The following BRMS1L variants were observed in gnomAD, a reference collection of about 807,000 sequenced individuals.
BRMS1L encodes the protein breast cancer metastasis-suppressor 1-like protein.
A neutral mutation model predicts 50.3 loss-of-function variants in BRMS1L; 23 were observed. The observed-to-expected ratio is 0.46, with a 90% CI of 0.33 to 0.65. BRMS1L has a LOEUF of 0.65. Among genes scored for constraint, BRMS1L ranks in the 30% least tolerant of loss-of-function variants. BRMS1L has a pLI of 0.02. For synonymous variants in BRMS1L, 114 were observed against 126.9 expected, an observed-to-expected ratio of 0.90 and a Z score of 0.69; for missense variants, 286 against 386.1, an observed-to-expected ratio of 0.74 and a Z score of 2.17.
chr14:35,841,793 A>G (rs1018444361), intron 4 of BRMS1L, among the ~76,000 whole-genome samples: 3 of 152,076 alleles, frequency 2.0e-5, no homozygotes, highest in Non-Finnish European at 2.9e-5. Flanking sequence ...GTCTCTCACT[A>G]TTACTGTGTG....
chr14:35,848,902 T>C (rs1457442806), intron 4 of BRMS1L, among the ~76,000 whole-genome samples: 1 of 152,236 alleles, frequency 6.6e-6, no homozygotes, highest in East Asian at 1.9e-4. Context: ...TTCCATATCT[T>C]GGAGGTGAAT....
chr14:35,845,443 T>C (rs932239980), intron 4 of BRMS1L, among the ~76,000 whole-genome samples: 17 of 152,242 alleles, frequency 1.1e-4, no homozygotes, highest in Non-Finnish European at 2.4e-4. Context: ...TTTAAATGCT[T>C]TGTCTGCATC....
intron 3 of BRMS1L, among the ~76,000 whole-genome samples, 197 bp downstream of exon 3, chr14:35,833,302 T>TA (rs79273951): frequency 1.6e-3 from 225 of 140,650 alleles, no homozygotes; most frequent in Middle Eastern, 3.7e-3. Context: ...TGTAGGGGAT[T>TA]AAAAAAAAAA....
intron 4 of BRMS1L, among the ~76,000 whole-genome samples, chr14:35,843,909 A>C (rs1182108039): frequency 6.6e-6 from 1 of 152,228 alleles, no homozygotes; most frequent in Non-Finnish European, 1.5e-5. Context: ...CTAGAGAGGC[A>C]GTCTGGCTAC....
chr14:35,832,349 C>CAAAAAAAA, intron 2 of BRMS1L, among the ~76,000 whole-genome samples: 1 of 61,646 alleles, frequency 1.6e-5, no homozygotes, highest in African/African-American at 3.7e-5. Flanking sequence ...CTAAAAAATA[C>CAAAAAAAA]AAAAAAAAAA....
chr14:35,831,875 C>G (rs563587057), intron 2 of BRMS1L, among the ~76,000 whole-genome samples: 9 of 151,816 alleles, frequency 5.9e-5, no homozygotes, highest in Admixed American at 3.9e-4. Context: ...GAGCTGTGCT[C>G]GTGCCATTGC....
chr14:35,867,132 T>C (rs1338416107), intron 8 of BRMS1L, among the ~76,000 whole-genome samples: 2 of 152,178 alleles, frequency 1.3e-5, no homozygotes, highest in Non-Finnish European at 2.9e-5. Context: ...CCCGATGGTA[T>C]TTTAGGCCCT....
chr14:35,867,253 A>T (rs2078433611), intron 8 of BRMS1L, among the ~76,000 whole-genome samples: 1 of 152,188 alleles, frequency 6.6e-6, no homozygotes, highest in East Asian at 1.9e-4. Context: ...TATAATAATT[A>T]CTCTAAAAGA....
Position 35,870,524 on chromosome 14 carries a change from TGTAA to T in BRMS1L, c.*50_*53del. 2 of 1,176,644 alleles carry T rather than the reference TGTAA, an allele frequency of 1.7e-6. No homozygotes were observed. Among genetic ancestry groups the T allele is most frequent in the Non-Finnish European group, 2.5e-6 (2 of 803,958 alleles). The allele number at this position is 1,176,644 out of a possible 1,614,324, so 72.9% of individuals were successfully genotyped here. A position where few individuals can be genotyped will look rare whatever the true frequency, so the allele number is the denominator to read the frequency against. ...AATTTACCTTATTAGTGTTACCAAA[TGTAA>T]GTGCCATGAGAGTAAAAAAATGTAT... On this transcript the variant is annotated 3_prime_UTR_variant, in exon 10 of 10. Coordinates refer to ENST00000216807, the MANE Select transcript of BRMS1L (RefSeq NM_032352.4).
rs562676299 is a variant in BRMS1L, at chr14:35,827,947, G to A, written c.142+1289G>A. On this transcript the variant is annotated intron_variant, in intron 1 of 9. Coordinates refer to ENST00000216807, the MANE Select transcript of BRMS1L (RefSeq NM_032352.4). ...GAGTTTGGGGCTTATTCAAAAGAGC[G>A]TGAAAACCTTGGGAGAAGGAGTTGA... 5.3e-5 allele frequency among the ~76,000 whole-genome samples: 8 copies of A among 152,234 alleles called. No individual in the cohort carries two copies. In the East Asian group the frequency reaches 1.5e-3, roughly 29 times the overall value.
chr14:35,849,813 TTCTG>T (rs1345135150), intron 4 of BRMS1L, among the ~76,000 whole-genome samples: 5 of 152,112 alleles, frequency 3.3e-5, no homozygotes, highest in South Asian at 4.1e-4. Flanking sequence ...AATATTTTCT[TTCTG>T]TCTTTCTTTT....
intron 8 of BRMS1L, among the ~76,000 whole-genome samples, chr14:35,866,466 C>T (rs571873131): frequency 1.5e-4 from 23 of 152,226 alleles, no homozygotes; most frequent in South Asian, 4.1e-4. Flanking sequence ...CAATTTGGGA[C>T]GCTAAGGCAG....
At chr14:35,857,586 G>A (rs1365989018) in intron 4 of BRMS1L, among the ~76,000 whole-genome samples, 1 of 152,012 alleles carries the variant, frequency 6.6e-6, no homozygotes, top group Non-Finnish European at 1.5e-5. Context: ...CTCCCAAAGT[G>A]CTGGAATTAT....
chr14:35,837,468 C>G (rs2142041312), intron 4 of BRMS1L, among the ~76,000 whole-genome samples: 1 of 152,246 alleles, frequency 6.6e-6, no homozygotes, highest in South Asian at 2.1e-4. Context: ...TATTTCTGCA[C>G]CAGTATCATA....
chr14:35,860,047 A>G (rs1170961688), intron 4 of BRMS1L, among the ~76,000 whole-genome samples: 1 of 152,206 alleles, frequency 6.6e-6, no homozygotes, highest in Non-Finnish European at 1.5e-5. Flanking sequence ...CATTTTATAA[A>G]TTTAATCCTT....
At chr14:35,828,545 C>T (rs1464623617) in intron 1 of BRMS1L, among the ~76,000 whole-genome samples, 1 of 144,986 alleles carries the variant, frequency 6.9e-6, no homozygotes, top group Non-Finnish European at 1.5e-5. Context: ...ATCATCTTGG[C>T]TCACTGCAAC....
chr14:35,866,822 A>G (rs1312542658), intron 8 of BRMS1L, among the ~76,000 whole-genome samples: 1 of 152,220 alleles, frequency 6.6e-6, no homozygotes, highest in African/African-American at 2.4e-5. Context: ...CTAGACCTGT[A>G]GAGCAGTGGT....
At chr14:35,842,037 A>T (rs2078072647) in intron 4 of BRMS1L, among the ~76,000 whole-genome samples, 2 of 146,754 alleles carry the variant, frequency 1.4e-5, no homozygotes, top group Non-Finnish European at 1.5e-5. Context: ...TGCTTGGTAA[A>T]TATTCCTCCA....
At chr14:35,835,430 G>A (rs1234538623) in intron 4 of BRMS1L, among the ~76,000 whole-genome samples, 1 of 152,138 alleles carries the variant, frequency 6.6e-6, no homozygotes, top group African/African-American at 2.4e-5. Flanking sequence ...TTTTTTGTGT[G>A]TGTGAAAAAT....
Sources: gnomAD v4.1 joint callset for allele counts (sites outside exome capture counted in the v4.1 genomes callset) on GRCh38, gnomAD v4.1.1 for gene constraint, MANE v1.5 for transcripts, NCBI Gene and HGNC (gene_info 2026-07-23, HGNC 2026-07-21) for gene names.